The following GATD1 variants were observed in gnomAD, a reference collection of about 807,000 sequenced individuals.
GATD1 encodes glutamine amidotransferase-like class 1 domain-containing protein 1.
GATD1 carries 23 observed loss-of-function variants against 25.9 expected under a neutral mutation model. That is an observed-to-expected ratio of 0.89 (90% confidence interval 0.64 to 1.26). The LOEUF is 1.26. Among genes scored for constraint, GATD1 ranks in the 50% most tolerant of loss-of-function variants. GATD1 has a pLI of 0.00. For missense variants in GATD1, 347 were observed against 312.5 expected (o/e 1.11, Z -0.83); for synonymous variants, 177 against 134.6 (o/e 1.31, Z -2.18).
At position 767,457 on chromosome 11, in the gene GATD1, G is replaced by A. The variant is rs1863117464; in HGVS notation, c.*3440C>T. The A allele has an allele frequency of 6.8e-7, 1 of 1,464,766 alleles. No individual in the cohort carries two copies. Among genetic ancestry groups the A allele is most frequent in the Non-Finnish European group, 9.0e-7 (1 of 1,114,056 alleles). The allele number at this position is 1,464,766 out of a possible 1,614,324, so 90.7% of individuals were successfully genotyped here. A position where few individuals can be genotyped will look rare whatever the true frequency, so the allele number is the denominator to read the frequency against. On this transcript the variant is annotated 3_prime_UTR_variant, in exon 8 of 8. Coordinates refer to ENST00000319863, the MANE Select transcript of GATD1 (RefSeq NM_182612.4). ...CAGCTGAGGAATGACGCAGGGGCCT[G>A]CAGGCAGCTCACGCGGAGACAGGTC... is the stretch of plus-strand genomic sequence containing the variant.
chr11:772,669 C>T (rs549098020), intron 4 of GATD1, 148 bp from the exon 5 acceptor site: 4 of 693,924 alleles, frequency 5.8e-6, no homozygotes, highest in African/African-American at 5.2e-5. Context: ...GACTCAGCAC[C>T]CGGGTGTCCT....
chr11:770,690 CAGG>C lies in GATD1; in HGVS notation c.*204_*206del. ...TCTCTGCCTCCTACCAGAGAACATGCAGGAGGATGGGGGTTTGGACCCTCCAGG... is the reference window on the plus strand; with the variant it reads ...TCTCTGCCTCCTACCAGAGAACATGCAGGATGGGGGTTTGGACCCTCCAGG... On this transcript the variant is annotated 3_prime_UTR_variant, in exon 8 of 8. Transcript: ENST00000319863. The C allele has an allele frequency of 7.0e-7, 1 of 1,428,720 alleles. No individual in the cohort carries two copies. Among genetic ancestry groups the C allele is most frequent in the Non-Finnish European group, 9.1e-7 (1 of 1,095,278 alleles). 88.5% of individuals were successfully genotyped at this position (1,428,720 alleles called of 1,614,324 possible). A position where few individuals can be genotyped will look rare whatever the true frequency, so the allele number is the denominator to read the frequency against.
In GATD1 at chr11:777,378, GC is replaced by G. The variant is rs777905250; in HGVS notation, c.64+20del. The G allele has an allele frequency of 2.0e-5, 26 of 1,292,804 alleles. No individual in the cohort carries two copies. The South Asian group carries it at 2.7e-4, about 14-fold the overall frequency. The allele number at this position is 1,292,804 out of a possible 1,614,324, so 80.1% of individuals were successfully genotyped here. ...CCTCGCGGACGCTCTTCGGACACTG[GC>G]CCCGGCCGCCGGGCCTCACCTTCGG... On this transcript the variant is annotated intron_variant, in intron 1 of 7. Transcript: ENST00000319863.
In GATD1 at chr11:771,441, T is replaced by C; in HGVS notation, c.451-15A>G. On this transcript the variant is annotated splice_polypyrimidine_tract_variant and intron_variant, in intron 5 of 7. Transcript: ENST00000319863. ...CACACAGAGGGCTGCGGGAGCGGGG[T>C]GGGGGCTCCTGAGACAGGCCCAGGC... is the stretch of plus-strand genomic sequence containing the variant. The C allele has an allele frequency of 6.6e-7, 1 of 1,515,086 alleles. No homozygotes were observed. The highest frequency in any genetic ancestry group is 1.3e-5 in the South Asian group (1 of 75,208). 93.9% of individuals were successfully genotyped at this position (1,515,086 alleles called of 1,614,324 possible). A position where few individuals can be genotyped will look rare whatever the true frequency, so the allele number is the denominator to read the frequency against.
At chr11:771,253 G>C in intron 6 of GATD1, 80 bp downstream of exon 6, 1 of 1,559,342 alleles carries the variant, frequency 6.4e-7, no homozygotes, top group Non-Finnish European at 8.7e-7. Flanking sequence ...CCAGGGCCCA[G>C]GAGGCTTCTC....
Position 768,319 on chromosome 11 carries a change from A to C in GATD1, c.*2578T>G, listed in dbSNP as rs995786964. On this transcript the variant is annotated 3_prime_UTR_variant, in exon 8 of 8. Transcript: ENST00000319863. ...CCCCGTCTCTACTGAAAATACAAAA[A>C]CTAGCTGGGCGTAGTGGCATGCACC... The C allele has an allele frequency of 6.6e-6, 1 of 151,652 alleles. No individual in the cohort carries two copies. Among genetic ancestry groups the C allele is most frequent in the Admixed American group, 6.6e-5 (1 of 15,248 alleles). The allele number at this position is 151,652 out of a possible 1,614,324, so 9.4% of individuals were successfully genotyped here.
At chr11:777,285 C>G in intron 1 of GATD1, 114 bp downstream of exon 1, 1 of 824,146 alleles carries the variant, frequency 1.2e-6, no homozygotes, top group African/African-American at 1.8e-5. Flanking sequence ...GCGCCCCCAG[C>G]GGCCTCGGCC....
Position 770,228 on chromosome 11 carries a change from C to T in GATD1, c.*669G>A, listed in dbSNP as rs567952469. The T allele has an allele frequency of 1.4e-5, 19 of 1,383,734 alleles. No homozygotes were observed. In the South Asian group the frequency reaches 3.2e-4, roughly 24 times the overall value. 85.7% of individuals were successfully genotyped at this position (1,383,734 alleles called of 1,614,324 possible). ...CAAGGCCGTGGGGGACAGCACTTTC[C>T]TATCATTGAGAATCTCATGGTCTCA... On this transcript the variant is annotated 3_prime_UTR_variant, in exon 8 of 8. Coordinates refer to ENST00000319863, the MANE Select transcript of GATD1 (RefSeq NM_182612.4).
chr11:767,570 G>T lies in GATD1; in HGVS notation c.*3327C>A, dbSNP rs756247688. The T allele has an allele frequency of 7.1e-7, 1 of 1,412,256 alleles. No individual in the cohort carries two copies. Among genetic ancestry groups the T allele is most frequent in the African/African-American group, 1.4e-5 (1 of 69,430 alleles). 87.5% of individuals were successfully genotyped at this position (1,412,256 alleles called of 1,614,324 possible). A position where few individuals can be genotyped will look rare whatever the true frequency, so the allele number is the denominator to read the frequency against. Reference sequence around the variant, plus strand: ...GCTGGGCTCAATGTCAGATCTGGCTGACCAGAGGGGCTCAATGAGGCTCAC... The same window carrying T: ...GCTGGGCTCAATGTCAGATCTGGCTTACCAGAGGGGCTCAATGAGGCTCAC... On this transcript the variant is annotated 3_prime_UTR_variant, in exon 8 of 8. Coordinates refer to ENST00000319863, the MANE Select transcript of GATD1 (RefSeq NM_182612.4).
Position 777,387 on chromosome 11 carries a change from GC to G in GATD1, c.64+11del. 7.7e-7 allele frequency: 1 copy of G among 1,295,872 alleles called. No individual in the cohort carries two copies. Among genetic ancestry groups the G allele is most frequent in the South Asian group, 2.1e-5 (1 of 47,866 alleles). 80.3% of individuals were successfully genotyped at this position (1,295,872 alleles called of 1,614,324 possible). A position where few individuals can be genotyped will look rare whatever the true frequency, so the allele number is the denominator to read the frequency against. On this transcript the variant is annotated intron_variant, in intron 1 of 7. Coordinates refer to ENST00000319863, the MANE Select transcript of GATD1 (RefSeq NM_182612.4). ...CGCTCTTCGGACACTGGCCCCGGCC[GC>G]CGGGCCTCACCTTCGGCGGCGCCGC...
In GATD1 at chr11:770,846, T is replaced by G. The variant is rs1329545691; in HGVS notation, c.*51A>C. ...GGGTCCCTGAAGCCTGAGACGGGGC[T>G]GCCTCTGGAGACACCTGGGCTGTCT... On this transcript the variant is annotated 3_prime_UTR_variant, in exon 8 of 8. Transcript: ENST00000319863. 2 of 1,563,622 alleles carry G rather than the reference T, an allele frequency of 1.3e-6. No homozygotes were observed. Among genetic ancestry groups the G allele is most frequent in the South Asian group, 1.2e-5 (1 of 83,486 alleles).
chr11:767,641 A>C lies in GATD1; in HGVS notation c.*3256T>G. ...TGTGGCCTGAGCACGTCCCCCCAAA[A>C]CCCACCTGCTTAAGTCCTCACCTGC... On this transcript the variant is annotated 3_prime_UTR_variant, in exon 8 of 8. Transcript: ENST00000319863. The C allele has an allele frequency of 2.9e-5, 37 of 1,285,314 alleles. No individual in the cohort carries two copies. Among genetic ancestry groups the C allele is most frequent in the Non-Finnish European group, 3.6e-5 (37 of 1,013,838 alleles). The allele number at this position is 1,285,314 out of a possible 1,614,324, so 79.6% of individuals were successfully genotyped here. A position where few individuals can be genotyped will look rare whatever the true frequency, so the allele number is the denominator to read the frequency against.
In GATD1 at chr11:775,099, G is replaced by A. The variant is rs1379414231; in HGVS notation, c.108C>T (p.Ser36=). 6 of 1,605,858 alleles carry A rather than the reference G, an allele frequency of 3.7e-6. No homozygotes were observed. The highest frequency in any genetic ancestry group is 5.1e-6 in the Non-Finnish European group (6 of 1,177,286). ...TGGCCACCTGCAGGTTGAAGGCGGT[G>A]CTGGCCATCGTGAAACAGTGGAGGA... is the stretch of plus-strand genomic sequence containing the variant. ...QSFLHCFTMA[S]TAFNLQVATP... is the part of the protein sequence containing the mutation. Residue 36 remains serine, a synonymous_variant, in exon 2 of 8, where the codon AGC becomes AGT. Coordinates refer to ENST00000319863, the MANE Select transcript of GATD1 (RefSeq NM_182612.4).
intron 2 of GATD1, 30 bp downstream of exon 2, chr11:775,036 G>A (rs1377488893): frequency 9.5e-6 from 15 of 1,578,842 alleles, no homozygotes; most frequent in Non-Finnish European, 1.3e-5. Context: ...GACCCCAAGT[G>A]TCCAGTGGGG....
At chr11:771,133 G>A (rs1166481132) in intron 6 of GATD1, 29 bp from the exon 7 acceptor site, 2 of 1,562,960 alleles carry the variant, frequency 1.3e-6, no homozygotes, top group African/African-American at 1.4e-5. Flanking sequence ...ACCAACCTCA[G>A]GCAATGTCCA....
chr11:773,987 A>G (rs1395442650), intron 3 of GATD1, 21 bp downstream of exon 3: 1 of 1,606,998 alleles, frequency 6.2e-7, no homozygotes, highest in African/African-American at 1.3e-5. Context: ...CCCACCCCCA[A>G]GGAGTGGGTC....
In GATD1 at chr11:771,174, C is replaced by A. The variant is rs567061128; in HGVS notation, c.545-70G>T. 7.1e-6 allele frequency: 11 copies of A among 1,545,286 alleles called. No individual in the cohort carries two copies. In the Admixed American group the frequency reaches 1.6e-4, roughly 22 times the overall value. On this transcript the variant is annotated intron_variant, in intron 6 of 7. Coordinates refer to ENST00000319863, the MANE Select transcript of GATD1 (RefSeq NM_182612.4). ...CCCACTGAGAGCCTCGAACTCCAGG[C>A]GGGCTCCCAGGGTCAGCAGTAGGTC...
rs940782202 is a variant in GATD1 at position 767,277 on chromosome 11, T to C, written c.*3620A>G. ...ATGGGTAGATGAACACACACTGGTATATGGGGAAATCCTCACCCGCCCTCC... is the reference window on the plus strand; with the variant it reads ...ATGGGTAGATGAACACACACTGGTACATGGGGAAATCCTCACCCGCCCTCC... On this transcript the variant is annotated 3_prime_UTR_variant, in exon 8 of 8. Transcript: ENST00000319863. The C allele has an allele frequency of 2.7e-5, 41 of 1,536,028 alleles. No individual in the cohort carries two copies. The Middle Eastern group carries it at 6.7e-4, about 25-fold the overall frequency.
chr11:773,926 C>G (rs1019666427), intron 3 of GATD1, 82 bp downstream of exon 3: 1 of 1,305,832 alleles, frequency 7.7e-7, no homozygotes, highest in African/African-American at 1.5e-5. Flanking sequence ...AGGGAGCTCA[C>G]TAAGACCCCA....
Sources: allele counts gnomAD v4.1 joint callset, GRCh38; gene constraint gnomAD v4.1.1; transcripts MANE v1.5; gene names NCBI Gene and HGNC (gene_info 2026-07-23, HGNC 2026-07-21).